CSF1R: variants seen among roughly 807,000 people sequenced by gnomAD.
CSF1R encodes macrophage colony-stimulating factor 1 receptor.
A neutral mutation model predicts 110.0 loss-of-function variants in CSF1R; 40 were observed. That is an observed-to-expected ratio of 0.36 (90% CI 0.28 to 0.47). The LOEUF is 0.47. CSF1R is among the 20% of genes least tolerant of loss of function. The pLI is 0.99. For synonymous variants in CSF1R, 523 were observed against 503.4 expected (o/e 1.04, Z -0.52); for missense variants, 1,052 against 1,253.0 (o/e 0.84, Z 2.42).
At chr5:150,061,891 G>T (rs1375633710) in intron 10 of CSF1R, 42 bp from the exon 11 acceptor site, 1 of 1,612,578 alleles carries the variant, frequency 6.2e-7, no homozygotes, top group African/African-American at 1.3e-5. Flanking sequence ...GGGGCTGGCA[G>T]GCAGTTCCTG....
rs571742911 is a variant in CSF1R at position 150,055,243 on chromosome 5, T to G, written c.2648A>C (p.Lys883Thr). ...CTGGGATCCCTTCGCTTACATATTC[T>G]TTGGGGCAAATGCAGGCTGGGCCAT... ...YQMAQPAFAP[K>T]NIYSIMQACW... is the part of the protein sequence containing the mutation. Residue 883 changes from lysine to threonine, a missense_variant, in exon 19 of 21, where the codon AAG (lysine) becomes ACG (threonine). Physicochemically the swap from Lys to Thr is moderately conservative, Grantham distance 78. Coordinates refer to ENST00000675795, the MANE Select transcript of CSF1R (RefSeq NM_001288705.3). 4 of 1,614,108 alleles carry G rather than the reference T, an allele frequency of 2.5e-6. No individual in the cohort carries two copies. Among genetic ancestry groups the G allele is most frequent in the Middle Eastern group, 1.7e-4 (1 of 6,058 alleles).
At chr5:150,082,334 G>A (rs1056830361) in intron 1 of CSF1R, among the ~76,000 whole-genome samples, 3 of 152,236 alleles carry the variant, frequency 2.0e-5, no homozygotes, top group African/African-American at 4.8e-5. Context: ...ATAGAGCCCA[G>A]AATTGGAAAG....
At chr5:150,078,000 T>C (rs1002094288) in intron 4 of CSF1R, 112 bp downstream of exon 4, 1 of 1,399,574 alleles carries the variant, frequency 7.1e-7, no homozygotes, top group Admixed American at 1.8e-5. Flanking sequence ...GTCTGAGCTG[T>C]GCCTTCAGCT....
chr5:150,060,822 G>T (rs375344147), intron 13 of CSF1R, 40 bp downstream of exon 13: 2 of 1,375,574 alleles, frequency 1.5e-6, no homozygotes, highest in East Asian at 4.8e-5. Flanking sequence ...ATTCCCCAGA[G>T]GCCCCAAGAC....
At position 150,053,786 on chromosome 5, in the gene CSF1R, A is replaced by G; in HGVS notation, c.*283T>C. The G allele has an allele frequency of 5.7e-6, 3 of 522,314 alleles. No individual in the cohort carries two copies. The highest frequency in any genetic ancestry group is 4.3e-5 in the South Asian group (2 of 46,788). 32.4% of individuals were successfully genotyped at this position (522,314 alleles called of 1,614,324 possible). On this transcript the variant is annotated 3_prime_UTR_variant, in exon 21 of 21. Transcript: ENST00000675795. The stretch of plus-strand genomic sequence containing the variant: ...TAAGGGGATTAGGAAAGAAGGTTCT[A>G]CTAGTTGGCATAGCAAACACGAGGC...
chr5:150,084,410 G>A (rs1366665573), intron 1 of CSF1R, among the ~76,000 whole-genome samples: 225 of 45,368 alleles, frequency 5.0e-3, no homozygotes, highest in East Asian at 0.022. Context: ...AAGGAAGGAA[G>A]GAAGGAAGGA....
chr5:150,058,330 ACTG>A, intron 14 of CSF1R: 1 of 456,232 alleles, frequency 2.2e-6, no homozygotes, highest in African/African-American at 2.0e-5. Context: ...CTGAAGCACT[ACTG>A]CTCCTAACGT....
At chr5:150,054,682 C>T (rs540907935) in intron 19 of CSF1R, 8 of 460,760 alleles carry the variant, frequency 1.7e-5, no homozygotes, top group Admixed American at 7.8e-5. Context: ...ACTGTAATAA[C>T]GATCTCTTAA....
intron 1 of CSF1R, among the ~76,000 whole-genome samples, chr5:150,085,780 C>G (rs1160883822): frequency 6.6e-6 from 1 of 152,142 alleles, no homozygotes; most frequent in Admixed American, 6.5e-5. Flanking sequence ...GAACCACCAC[C>G]CCTATCAGGC....
intron 4 of CSF1R, 26 bp downstream of exon 4, chr5:150,078,086 T>G (rs751869712): frequency 6.2e-7 from 1 of 1,613,354 alleles, no homozygotes; most frequent in South Asian, 1.1e-5. Flanking sequence ...TGGCCAGACT[T>G]CACCTTGTGA....
chr5:150,089,513 T>C (rs1758967863), upstream of CSF1R, among the ~76,000 whole-genome samples: 1 of 152,160 alleles, frequency 6.6e-6, no homozygotes, highest in South Asian at 2.1e-4. Flanking sequence ...GACTTTACAA[T>C]GAAAACTACA....
intron 13 of CSF1R, among the ~76,000 whole-genome samples, 162 bp from the exon 14 acceptor site, chr5:150,060,024 T>A (rs998855262): frequency 6.6e-6 from 1 of 152,126 alleles, no homozygotes; most frequent in Non-Finnish European, 1.5e-5. Context: ...AGTAGTTCCA[T>A]TTGTTTAAAA....
At position 150,078,232 on chromosome 5, in the gene CSF1R, T is replaced by C. The variant is rs1056219442; in HGVS notation, c.609A>G (p.Pro203=). 2.5e-6 allele frequency: 4 copies of C among 1,613,942 alleles called. No homozygotes were observed. The African/African-American group carries it at 4.0e-5, about 16-fold the overall frequency. Residue 203 remains proline (P), a synonymous_variant, in exon 4 of 21, where the codon CCA becomes CCG. Transcript: ENST00000675795. ...GCTCTGCAGGCACCAGTGTCAAGGCTGGGGGCCCTGGGATGACTGAGACCG... is the reference window on the plus strand; with the variant it reads ...GCTCTGCAGGCACCAGTGTCAAGGCCGGGGGCCCTGGGATGACTGAGACCG... The part of the protein sequence containing the change: ...LKVQKVIPGP[P]ALTLVPAELV...
At chr5:150,060,414 C>T (rs1437119680) in intron 13 of CSF1R, among the ~76,000 whole-genome samples, 2 of 151,884 alleles carry the variant, frequency 1.3e-5, no homozygotes, top group Non-Finnish European at 2.9e-5. Flanking sequence ...AAAGCTATGG[C>T]GGCTCACTGT....
At position 150,108,078 on chromosome 5, in the gene CSF1R, G is replaced by C. The variant is rs143862819; in HGVS notation, c.-181+5183C>G. Among the ~76,000 whole-genome samples the C allele has an allele frequency of 5.0e-4, 76 of 152,284 alleles. 1 individual carries two copies. The highest frequency in any genetic ancestry group is 1.7e-3 in the African/African-American group (69 of 41,562). ...GAGAAGGGTGAGGAGTTGGGGGAGA[G>C]ATACAGGGAGGAGGAAGGAATGTTC... On this transcript the variant is annotated intron_variant, in intron 1 of 21. Coordinates refer to the CSF1R transcript ENST00000286301.
chr5:150,098,475 C>T (rs1324147445), intron 1 of CSF1R: 1 of 152,840 alleles, frequency 6.5e-6, no homozygotes, highest in Non-Finnish European at 1.5e-5. Flanking sequence ...TGTTCCTTCT[C>T]CACTCCCACT....
At chr5:150,057,405 A>G (rs2113782105) in intron 15 of CSF1R, 21 bp from the exon 16 acceptor site, 1 of 1,612,742 alleles carries the variant, frequency 6.2e-7, no homozygotes, top group East Asian at 2.2e-5. Flanking sequence ...AAGAGGCGTC[A>G]GGGCAGCCCT....
At chr5:150,070,892 A>T (rs922912436) in intron 6 of CSF1R, among the ~76,000 whole-genome samples, 5 of 152,194 alleles carry the variant, frequency 3.3e-5, no homozygotes, top group African/African-American at 9.7e-5. Context: ...CTTTCATGAA[A>T]GCTGCAATCC....
At chr5:150,064,047 C>A (rs770731778) in intron 10 of CSF1R, among the ~76,000 whole-genome samples, 2 of 152,094 alleles carry the variant, frequency 1.3e-5, no homozygotes, top group African/African-American at 2.4e-5. Context: ...AAATTAACAC[C>A]GAAACAGAAA....
Sources: gnomAD v4.1 joint callset for allele counts (sites outside exome capture counted in the v4.1 genomes callset) on GRCh38, gnomAD v4.1.1 for gene constraint, MANE v1.5 for transcripts, NCBI Gene and HGNC (gene_info 2026-07-23, HGNC 2026-07-21) for gene names.